Variants in C12orf42 observed in about 807,000 individuals in gnomAD.
C12orf42 encodes chromosome 12 open reading frame 42.
C12orf42 carries 25 observed loss-of-function variants against 21.6 expected under a neutral mutation model. The ratio of observed to expected loss-of-function variants is 1.16; its 90% CI spans 0.84 to 1.62. The LOEUF is 1.62. C12orf42 is among the 40% of genes most tolerant of loss of function. The pLI, the probability that C12orf42 is intolerant of heterozygous loss-of-function variation, is 0.00. For missense variants in C12orf42, 483 were observed against 459.3 expected, an observed-to-expected ratio of 1.05 and a Z score of -0.47; for synonymous variants, 174 against 175.0, an observed-to-expected ratio of 0.99 and a Z score of 0.05.
chr12:103,479,287 GT>G (rs1232494123), intron 1 of C12orf42, among the ~76,000 whole-genome samples: 3 of 152,064 alleles, frequency 2.0e-5, no homozygotes, highest in Non-Finnish European at 4.4e-5. Flanking sequence ...CTTATTTGTA[GT>G]TCTGAGGCTT....
At chr12:103,086,512 A>G in the C12orf42 span, among the ~76,000 whole-genome samples, 1 of 149,984 alleles carries the variant, frequency 6.7e-6, no homozygotes, top group African/African-American at 2.5e-5. Flanking sequence ...ACCAGGCAAT[A>G]CGAGATAATC....
intron 10 of C12orf42, among the ~76,000 whole-genome samples, chr12:103,241,520 C>G (rs1281441847): frequency 1.3e-5 from 2 of 152,144 alleles, no homozygotes; most frequent in African/African-American, 4.8e-5. Flanking sequence ...AACAGCACTG[C>G]AACATGAGTT....
the C12orf42 span, among the ~76,000 whole-genome samples, chr12:103,049,357 C>A: frequency 1.8e-4 from 28 of 152,290 alleles, 1 homozygote; most frequent in African/African-American, 6.7e-4. Context: ...GATCCATCAG[C>A]AAGTCCTCTT....
chr12:103,181,035 G>A, the C12orf42 span, among the ~76,000 whole-genome samples: 1 of 152,060 alleles, frequency 6.6e-6, no homozygotes, highest in South Asian at 2.1e-4. Flanking sequence ...AAGCTGAGGT[G>A]GGCAGATCAC....
At chr12:103,162,186 G>T in the C12orf42 span, among the ~76,000 whole-genome samples, 1 of 152,182 alleles carries the variant, frequency 6.6e-6, no homozygotes, top group African/African-American at 2.4e-5. Context: ...CCTTGAGAGT[G>T]AATTGGCATA....
At chr12:103,292,185 G>T (rs1423349471) in intron 4 of C12orf42, among the ~76,000 whole-genome samples, 1 of 152,120 alleles carries the variant, frequency 6.6e-6, no homozygotes, top group East Asian at 1.9e-4. Context: ...CATATTATAT[G>T]ATTTCATTCA....
chr12:103,234,089 T>C (rs1160809467), downstream of C12orf42, among the ~76,000 whole-genome samples: 2 of 152,212 alleles, frequency 1.3e-5, no homozygotes, highest in African/African-American at 4.8e-5. Context: ...TCTTTTAGCC[T>C]GTTGATGCAA....
At chr12:103,278,405 T>G (rs952184193) in intron 4 of C12orf42, among the ~76,000 whole-genome samples, 3 of 151,292 alleles carry the variant, frequency 2.0e-5, no homozygotes, top group Non-Finnish European at 4.4e-5. Flanking sequence ...AGCCCAAGAG[T>G]GTAATATTGC....
chr12:103,496,400 C>A (rs1254417791), upstream of C12orf42, among the ~76,000 whole-genome samples: 1 of 152,098 alleles, frequency 6.6e-6, no homozygotes, highest in Non-Finnish European at 1.5e-5. Flanking sequence ...GGGACAGTGG[C>A]CATTTGGGGA....
chr12:103,411,751 C>A (rs1434077146), intron 2 of C12orf42, among the ~76,000 whole-genome samples: 1 of 152,180 alleles, frequency 6.6e-6, no homozygotes, highest in African/African-American at 2.4e-5. Flanking sequence ...TCCAGGACTA[C>A]GAGCAATAAA....
the C12orf42 span, among the ~76,000 whole-genome samples, chr12:103,139,038 G>A: frequency 2.0e-5 from 3 of 152,064 alleles, no homozygotes; most frequent in Admixed American, 1.3e-4. Flanking sequence ...CCCTTGTCTT[G>A]TGTTTTCTTT....
intron 3 of C12orf42, among the ~76,000 whole-genome samples, chr12:103,387,454 ATTTAT>A (rs2046709734): frequency 6.6e-6 from 1 of 152,164 alleles, no homozygotes; most frequent in South Asian, 2.1e-4. Flanking sequence ...TCGAACTGCC[ATTTAT>A]TTTATTTATT....
At chr12:103,248,516 G>T (rs2034123279) in intron 10 of C12orf42, among the ~76,000 whole-genome samples, 1 of 151,944 alleles carries the variant, frequency 6.6e-6, no homozygotes, top group Non-Finnish European at 1.5e-5. Context: ...AAATCAAGTT[G>T]TCTTTCAAAT....
chr12:103,101,843 G>A, the C12orf42 span, among the ~76,000 whole-genome samples: 2 of 152,180 alleles, frequency 1.3e-5, no homozygotes, highest in African/African-American at 4.8e-5. Context: ...GTGGTCAGCT[G>A]TCTGCTAAGG....
At chr12:103,501,276 G>T in the C12orf42 span, among the ~76,000 whole-genome samples, 1 of 152,090 alleles carries the variant, frequency 6.6e-6, no homozygotes. Flanking sequence ...AATTCACTGG[G>T]AGTGTCAAAA....
intron 2 of C12orf42, among the ~76,000 whole-genome samples, chr12:103,405,464 C>CAA (rs1191782713): frequency 7.2e-5 from 11 of 151,996 alleles, no homozygotes; most frequent in Non-Finnish European, 1.3e-4. Flanking sequence ...CAGATGAGCC[C>CAA]AAAGGTCTGA....
At chr12:103,298,315 ACAAACAGAGAGC>A (rs1317439245), downstream of C12orf42, among the ~76,000 whole-genome samples, 2 of 152,228 alleles carry the variant, frequency 1.3e-5, no homozygotes, top group African/African-American at 4.8e-5. Context: ...CCAATAACAG[ACAAACAGAGAGC>A]CAAATCATGA....
chr12:103,157,396 G>T, the C12orf42 span, among the ~76,000 whole-genome samples: 2 of 150,478 alleles, frequency 1.3e-5, no homozygotes, highest in Non-Finnish European at 3.0e-5. Flanking sequence ...TGGGTAGATT[G>T]CAAAATTTTT....
the C12orf42 span, among the ~76,000 whole-genome samples, chr12:103,502,329 G>A: frequency 2.0e-5 from 3 of 152,126 alleles, no homozygotes; most frequent in Non-Finnish European, 4.4e-5. Context: ...ATGCTCCATG[G>A]AGCAGTCAGA....
Sources: gnomAD v4.1 joint callset for allele counts (sites outside exome capture counted in the v4.1 genomes callset) on GRCh38, gnomAD v4.1.1 for gene constraint, MANE v1.5 for transcripts, NCBI Gene and HGNC (gene_info 2026-07-23, HGNC 2026-07-21) for gene names.